Variants in PCDHGB3 observed in about 807,000 individuals in gnomAD.
PCDHGB3 encodes the protein protocadherin gamma subfamily B, 3.
In PCDHGB3, 40 loss-of-function variants were observed where a neutral mutation model predicts 59.2. The observed-to-expected ratio is 0.68, with a 90% confidence interval of 0.52 to 0.88. The LOEUF is 0.88. Among genes scored for constraint, PCDHGB3 ranks in the 40% least tolerant of loss-of-function variants. PCDHGB3 has a pLI of 0.00. For synonymous variants in PCDHGB3, 581 were observed against 503.6 expected (o/e 1.15, Z -2.06); for missense variants, 1,309 against 1,187.9 (o/e 1.10, Z -1.50).
At chr5:141,399,375 C>A (rs548275013) in intron 1 of PCDHGB3, 2 of 1,614,016 alleles carry the variant, frequency 1.2e-6, no homozygotes, top group Non-Finnish European at 1.7e-6. Context: ...AGTACAATGT[C>A]ACCATCACAG....
At chr5:141,388,835 G>T in intron 1 of PCDHGB3, 1 of 1,613,946 alleles carries the variant, frequency 6.2e-7, no homozygotes, top group South Asian at 1.1e-5. Flanking sequence ...CCATAGTTTT[G>T]GAAGCAAGGG....
chr5:141,387,653 A>C (rs981670504), intron 1 of PCDHGB3: 11 of 639,608 alleles, frequency 1.7e-5, no homozygotes, highest in Non-Finnish European at 2.9e-5. Context: ...CAAAGTGGAG[A>C]GCTTGGCGCT....
At chr5:141,409,979 G>T in intron 1 of PCDHGB3, 1 of 1,613,348 alleles carries the variant, frequency 6.2e-7, no homozygotes, top group Non-Finnish European at 8.5e-7. Flanking sequence ...TAAGGTGGTA[G>T]CGGTGGACGC....
In PCDHGB3 at chr5:141,443,329, A is replaced by AC. The variant is rs58846402; in HGVS notation, c.2416-51477dup. 1.9e-4 allele frequency among the ~76,000 whole-genome samples: 29 copies of AC among 151,590 alleles called. No individual in the cohort carries two copies. In the East Asian group the frequency reaches 4.3e-3, roughly 22 times the overall value. ...AAACCCATCTCTACAAAAAAAAAAA[A>AC]CAAAAATTAACAAGGTTTAGTGGTC... On this transcript the variant is annotated intron_variant, in intron 1 of 3. Coordinates refer to ENST00000576222, the MANE Select transcript of PCDHGB3 (RefSeq NM_018924.5).
At chr5:141,497,223 T>G (rs921763195) in intron 2 of PCDHGB3, among the ~76,000 whole-genome samples, 14 of 151,762 alleles carry the variant, frequency 9.2e-5, no homozygotes, top group African/African-American at 3.4e-4. Context: ...GGGGGGAAGA[T>G]CAGAGAAGGC....
intron 1 of PCDHGB3, chr5:141,427,795 C>A: frequency 6.7e-7 from 1 of 1,499,260 alleles, no homozygotes; most frequent in Non-Finnish European, 9.2e-7. Context: ...TCCTACGTGT[C>A]CGTGAGCGCA....
intron 3 of PCDHGB3, among the ~76,000 whole-genome samples, chr5:141,510,375 G>A (rs980966602): frequency 3.4e-5 from 5 of 148,132 alleles, no homozygotes; most frequent in East Asian, 2.0e-4. Context: ...ATCTCTACTC[G>A]TGCCAGGCCT....
intron 1 of PCDHGB3, among the ~76,000 whole-genome samples, chr5:141,473,191 G>A (rs28479996): frequency 0.019 from 2,957 of 152,242 alleles, 87 homozygotes; most frequent in African/African-American, 0.062. Context: ...AGGAGTAAAT[G>A]TATCTTCTAA....
chr5:141,454,587 G>A (rs1000852095), intron 1 of PCDHGB3, among the ~76,000 whole-genome samples: 22 of 150,902 alleles, frequency 1.5e-4, no homozygotes, highest in African/African-American at 5.4e-4. Context: ...TGTATTTTTA[G>A]TAGAGACAGG....
chr5:141,418,314 C>T, intron 1 of PCDHGB3: 1 of 1,613,988 alleles, frequency 6.2e-7, no homozygotes. Context: ...GGGATGGGAA[C>T]AATTCTTGAG....
chr5:141,489,314 G>T lies in PCDHGB3; in HGVS notation c.2416-5493G>T. ...TGCATGTTGTCCTTGTGCTGCTGGG[G>T]CTGGGTGTCTGGGCAGCTTCGTTAC... On this transcript the variant is annotated intron_variant, in intron 1 of 3. Transcript: ENST00000576222. This position sits in a 1 kb window ranked among gnomAD's most constrained non-coding sequence, Gnocchi z 4.5. 6.3e-7 allele frequency: 1 copy of T among 1,596,908 alleles called. No individual in the cohort carries two copies. The highest frequency in any genetic ancestry group is 8.5e-7 in the Non-Finnish European group (1 of 1,170,694).
chr5:141,464,260 G>A (rs546781463), intron 1 of PCDHGB3, among the ~76,000 whole-genome samples: 1 of 131,668 alleles, frequency 7.6e-6, no homozygotes, highest in Non-Finnish European at 1.6e-5. Flanking sequence ...GCGAGACTCC[G>A]TCTAAAAAAA....
In PCDHGB3 at chr5:141,372,041, C is replaced by T. The variant is rs779511565; in HGVS notation, c.1647C>T (p.Arg549=). 6.2e-7 allele frequency: 1 copy of T among 1,613,492 alleles called. No individual in the cohort carries two copies. Among genetic ancestry groups the T allele is most frequent in the South Asian group, 1.1e-5 (1 of 91,076 alleles). ...SPTLSANVSL[R]VLVDDRNDNA... ...CGCTCAGCGCCAACGTGAGCCTGCG[C>T]GTGTTGGTGGACGACCGCAACGACA... is the stretch of plus-strand genomic sequence containing the variant. The change falls in exon 1 of 4, where the codon CGC becomes CGT. Residue 549 remains arginine, a synonymous_variant. Transcript: ENST00000576222.
chr5:141,394,488 G>C lies in PCDHGB3; in HGVS notation c.2415+21679G>C, dbSNP rs753312224. 7.4e-6 allele frequency: 12 copies of C among 1,614,196 alleles called. No homozygotes were observed. In the South Asian group the frequency reaches 1.1e-4, roughly 15 times the overall value. ...GTTCGTGCTGGACCAGAATGACAAC[G>C]CGCCCGAGATCCTGTACCCCGCCCT... is the stretch of plus-strand genomic sequence containing the variant. On this transcript the variant is annotated intron_variant, in intron 1 of 3. Transcript: ENST00000576222.
At chr5:141,388,559 T>C in intron 1 of PCDHGB3, 1 of 1,613,890 alleles carries the variant, frequency 6.2e-7, no homozygotes, top group Non-Finnish European at 8.5e-7. Context: ...TAAGCAGCAC[T>C]GCACAGATAC....
At position 141,485,386 on chromosome 5, in the gene PCDHGB3, C is replaced by A. The variant is rs1044608807; in HGVS notation, c.2416-9421C>A. The stretch of plus-strand genomic sequence containing the variant: ...GGCTGCAGGTCGCTGGAGAGGTGAA[C>A]CAAAGACACTTCCGTGTGGATTTGG... On this transcript the variant is annotated intron_variant, in intron 1 of 3. Coordinates refer to ENST00000576222, the MANE Select transcript of PCDHGB3 (RefSeq NM_018924.5). This position sits in a 1 kb window ranked among gnomAD's most constrained non-coding sequence, Gnocchi z 5.7. 1.2e-6 allele frequency: 2 copies of A among 1,614,104 alleles called. No homozygotes were observed. The highest frequency in any genetic ancestry group is 8.5e-7 in the Non-Finnish European group (1 of 1,180,002).
At chr5:141,392,505 T>G (rs1271878225) in intron 1 of PCDHGB3, 1 of 227,850 alleles carries the variant, frequency 4.4e-6, no homozygotes, top group African/African-American at 2.3e-5. Flanking sequence ...ATGATTTTTT[T>G]TTCTCAGTAA....
intron 1 of PCDHGB3, chr5:141,478,285 T>G (rs1468354835): frequency 6.2e-7 from 1 of 1,614,040 alleles, no homozygotes; most frequent in Non-Finnish European, 8.5e-7. Context: ...GGAAGCAGTC[T>G]AGAGACCTAT....
In PCDHGB3 at chr5:141,379,822, T is replaced by C. The variant is rs186939729; in HGVS notation, c.2415+7013T>C. ...GGTTTTGAGAGTTCAGTATAGAATT[T>C]TGAAGCATCAGGAAAAAAAACTACC... On this transcript the variant is annotated intron_variant, in intron 1 of 3. Transcript: ENST00000576222. Among the ~76,000 whole-genome samples, 5 of 150,884 alleles carry C rather than the reference T, an allele frequency of 3.3e-5. No individual in the cohort carries two copies. In the East Asian group the frequency reaches 9.7e-4, roughly 29 times the overall value.
Sources: allele counts gnomAD v4.1 joint callset (sites outside exome capture counted in the v4.1 genomes callset), GRCh38; gene constraint gnomAD v4.1.1; non-coding constraint Gnocchi (gnomAD v3.1); transcripts MANE v1.5; gene names NCBI Gene and HGNC (gene_info 2026-07-23, HGNC 2026-07-21).